NALF2: variants seen among roughly 807,000 people sequenced by gnomAD.
NALF2 encodes bB57D9.1 (TED protein).
A neutral mutation model predicts 24.8 loss-of-function variants in NALF2; 1 was observed. The ratio of observed to expected loss-of-function variants is 0.04; its 90% CI spans 0.01 to 0.19. The LOEUF is 0.19. NALF2 is among the 10% of genes least tolerant of loss of function. The probability of loss-of-function intolerance (pLI) is 1.00; values close to 1 mark genes in which losing one functional copy is unlikely to be tolerated. For missense variants in NALF2, 458 were observed against 409.6 expected, an observed-to-expected ratio of 1.12 and a Z score of -1.02; for synonymous variants, 254 against 189.8, an observed-to-expected ratio of 1.34 and a Z score of -2.78.
intron 1 of NALF2, among the ~76,000 whole-genome samples, chrX:69,520,888 A>G (rs754399065): frequency 9.0e-6 from 1 of 110,918 alleles, no homozygotes; most frequent in Non-Finnish European, 1.9e-5. Flanking sequence ...CGGGGCCCTC[A>G]CAACCTCTCA....
At position 69,505,979 on chromosome X, in the gene NALF2, G is replaced by C; in HGVS notation, c.697G>C (p.Ala233Pro). 3 of 1,211,604 alleles carry C rather than the reference G, an allele frequency of 2.5e-6. No individual in the cohort carries two copies. The highest frequency in any genetic ancestry group is 3.4e-6 in the Non-Finnish European group (3 of 895,362). The change falls in exon 1 of 3, where the codon GCC (alanine) becomes CCC (proline). Residue 233 changes from alanine to proline, a missense_variant. By Grantham distance (27) the Ala-to-Pro change is conservative. Transcript: ENST00000252338. ...GATGGGGGACCTGCTGGCCGTGGTG[G>C]CCAGCCCGGGCTCCGGGGCCTGGGA... The part of the protein sequence containing the change: ...TLMGDLLAVV[A>P]SPGSGAWEAC...
Position 69,505,669 on chromosome X carries a change from C to T in NALF2, c.387C>T (p.Gly129=), listed in dbSNP as rs1930459528. The change falls in exon 1 of 3, where the codon GGC becomes GGT. Residue 129 remains glycine (G), a synonymous_variant. Coordinates refer to ENST00000252338, the MANE Select transcript of NALF2 (RefSeq NM_015686.3). ...TGACCAAAGCCGCCCCCGCCGCCGG[C>T]TCTCGGCCGGTCTGCGGCGGCGTCC... is the stretch of plus-strand genomic sequence containing the variant. ...SNLTKAAPAA[G]SRPVCGGVPE... 8.3e-7 allele frequency: 1 copy of T among 1,207,160 alleles called. No homozygotes were observed. Among genetic ancestry groups the T allele is most frequent in the African/African-American group, 1.7e-5 (1 of 57,661 alleles).
In NALF2 at chrX:69,531,014, C is replaced by G. The variant is rs1930897319; in HGVS notation, c.*1058C>G. On this transcript the variant is annotated 3_prime_UTR_variant, in exon 3 of 3. Coordinates refer to ENST00000252338, the MANE Select transcript of NALF2 (RefSeq NM_015686.3). ...AGGCCTGGCCCAGGTCCTTATACTC[C>G]CCTATCTTGTCCTAGCCCAGGCCTC... 8.9e-6 allele frequency: 1 copy of G among 112,731 alleles called. No individual in the cohort carries two copies. The highest frequency in any genetic ancestry group is 1.9e-5 in the Non-Finnish European group (1 of 53,181). 9.3% of individuals were successfully genotyped at this position (112,731 alleles called of 1,213,427 possible).
chrX:69,511,153 C>T (rs749610188), intron 1 of NALF2, among the ~76,000 whole-genome samples: 1 of 109,774 alleles, frequency 9.1e-6, no homozygotes, highest in Non-Finnish European at 1.9e-5. Flanking sequence ...TCTCCACCCC[C>T]TTCCACCTCA....
intron 1 of NALF2, among the ~76,000 whole-genome samples, chrX:69,512,801 CT>C (rs771249122): frequency 1.8e-5 from 2 of 111,259 alleles, no homozygotes; most frequent in Non-Finnish European, 3.8e-5. Flanking sequence ...GAAGAAAATG[CT>C]AATAATCTCC....
chrX:69,505,929 G>A lies in NALF2; in HGVS notation c.647G>A (p.Ser216Asn). 3 of 1,211,959 alleles carry A rather than the reference G, an allele frequency of 2.5e-6. No individual in the cohort carries two copies. The highest frequency in any genetic ancestry group is 3.4e-6 in the Non-Finnish European group (3 of 895,520). ...DLLLGMDRPD[S>N]LDCSLDTLMG... ...CTGCTGGGCATGGACCGCCCCGACAGCCTGGACTGTAGCCTGGACACCCTG... is the reference window on the plus strand; with the variant it reads ...CTGCTGGGCATGGACCGCCCCGACAACCTGGACTGTAGCCTGGACACCCTG... Residue 216 changes from serine to asparagine, a missense_variant, in exon 1 of 3, where the codon AGC becomes AAC. Transcript: ENST00000252338.
At chrX:69,523,895 T>C (rs1930768290) in intron 1 of NALF2, among the ~76,000 whole-genome samples, 1 of 111,543 alleles carries the variant, frequency 9.0e-6, no homozygotes, top group South Asian at 3.8e-4. Context: ...CTGTTGCTGG[T>C]AGGATTGTTC....
intron 1 of NALF2, among the ~76,000 whole-genome samples, chrX:69,527,620 A>G (rs1380127946): frequency 8.9e-6 from 1 of 111,931 alleles, no homozygotes; most frequent in African/African-American, 3.3e-5. Flanking sequence ...GCATATTTTA[A>G]CAAATGCTTC....
Position 69,505,181 on chromosome X carries a change from G to C in NALF2, c.-102G>C. ...CCATGCAGCCCCCGAGGTAGAGCCT[G>C]GACGGCGCCGAGGAGCGCAGAGCGG... On this transcript the variant is annotated 5_prime_UTR_variant, in exon 1 of 3. Transcript: ENST00000252338. 1 of 862,960 alleles carries C rather than the reference G, an allele frequency of 1.2e-6. No individual in the cohort carries two copies. Among genetic ancestry groups the C allele is most frequent in the South Asian group, 2.9e-5 (1 of 34,439 alleles). 71.1% of individuals were successfully genotyped at this position (862,960 alleles called of 1,213,427 possible). A position where few individuals can be genotyped will look rare whatever the true frequency, so the allele number is the denominator to read the frequency against.
In NALF2 at chrX:69,530,021, G is replaced by T; in HGVS notation, c.*65G>T. On this transcript the variant is annotated 3_prime_UTR_variant, in exon 3 of 3. Coordinates refer to ENST00000252338, the MANE Select transcript of NALF2 (RefSeq NM_015686.3). ...AGCTCCAGCTCCCCCAGGTTGGGGG[G>T]GAGGGGGCTCCTCCCATGGGAGGTG... 1.1e-6 allele frequency: 1 copy of T among 909,744 alleles called. No homozygotes were observed. Among genetic ancestry groups the T allele is most frequent in the Non-Finnish European group, 1.5e-6 (1 of 665,639 alleles). The allele number at this position is 909,744 out of a possible 1,213,427, so 75.0% of individuals were successfully genotyped here. A position where few individuals can be genotyped will look rare whatever the true frequency, so the allele number is the denominator to read the frequency against.
intron 1 of NALF2, among the ~76,000 whole-genome samples, chrX:69,512,346 G>T: frequency 3.6e-5 from 4 of 111,945 alleles, no homozygotes; most frequent in Non-Finnish European, 5.6e-5. Flanking sequence ...TAGCCAGATA[G>T]GTGCTTAGAG....
rs758302010 is a variant in NALF2 at position 69,505,880 on chromosome X, G to A, written c.598G>A (p.Asp200Asn). ...HFRNFTLSFC[D>N]TYTVWDLLLG... ...TCGGAACTTCACTCTCTCCTTTTGC[G>A]ACACCTACACGGTCTGGGACTTGCT... The change falls in exon 1 of 3, where the codon GAC becomes AAC. Residue 200 changes from aspartate to asparagine, a missense_variant. Asp to Asn is a conservative substitution (Grantham distance 23). Coordinates refer to ENST00000252338, the MANE Select transcript of NALF2 (RefSeq NM_015686.3). 6.6e-6 allele frequency: 8 copies of A among 1,210,978 alleles called. No individual in the cohort carries two copies. Among genetic ancestry groups the A allele is most frequent in the Non-Finnish European group, 8.9e-6 (8 of 895,322 alleles).
intron 1 of NALF2, among the ~76,000 whole-genome samples, chrX:69,508,094 T>C (rs977959990): frequency 2.7e-5 from 3 of 112,140 alleles, no homozygotes; most frequent in Non-Finnish European, 5.6e-5. Context: ...TTCTGTAAGC[T>C]TTCATTTCCT....
chrX:69,521,563 T>C (rs1930735154), intron 1 of NALF2, among the ~76,000 whole-genome samples: 1 of 112,246 alleles, frequency 8.9e-6, no homozygotes, highest in Non-Finnish European at 1.9e-5. Context: ...CTCAGAACAC[T>C]TACATTAGCC....
Position 69,529,899 on chromosome X carries a change from G to A in NALF2, c.1362G>A (p.Gly454=), listed in dbSNP as rs1435690015. 2.5e-6 allele frequency: 3 copies of A among 1,211,190 alleles called. No individual in the cohort carries two copies. The highest frequency in any genetic ancestry group is 3.4e-6 in the Non-Finnish European group (3 of 895,316). The change falls in exon 3 of 3, where the codon GGG becomes GGA. Residue 454 remains glycine, a synonymous_variant. Transcript: ENST00000252338. ...VVSFSSNQGG[G]GLGLETLPAL... The stretch of plus-strand genomic sequence containing the variant: ...CCTTCTCCAGCAACCAGGGTGGTGG[G>A]GGATTGGGGCTGGAGACACTGCCTG...
Position 69,529,658 on chromosome X carries a change from A to AG in NALF2, c.1123dup (p.Glu375GlyfsTer3). On this transcript the variant is annotated frameshift_variant, in exon 3 of 3. Transcript: ENST00000252338. LOFTEE classifies it high-confidence loss of function. ...TGTGAGGCGAAGAAGAAGAAGTTCA[A>AG]GGAGTCTGAGGCCCCCAAAACCCAC... 8.3e-7 allele frequency: 1 copy of AG among 1,210,452 alleles called. No individual in the cohort carries two copies. The highest frequency in any genetic ancestry group is 1.1e-6 in the Non-Finnish European group (1 of 894,884).
At chrX:69,527,982 G>T (rs12014775) in intron 1 of NALF2, among the ~76,000 whole-genome samples, 62 of 107,089 alleles carry the variant, frequency 5.8e-4, no homozygotes, top group African/African-American at 1.6e-3. Flanking sequence ...ATTTTTTTTG[G>T]TTTTTTTTTG....
rs991589553 is a variant in NALF2, at chrX:69,530,290, G to T, written c.*334G>T. On this transcript the variant is annotated 3_prime_UTR_variant, in exon 3 of 3. Coordinates refer to ENST00000252338, the MANE Select transcript of NALF2 (RefSeq NM_015686.3). ...TGCCAAAAGCCCTGACCCCAGGGAAGGAGGCTGCTCACCCAGCCTTGGCCC... is the reference window on the plus strand; with the variant it reads ...TGCCAAAAGCCCTGACCCCAGGGAATGAGGCTGCTCACCCAGCCTTGGCCC... 17 of 220,976 alleles carry T rather than the reference G, an allele frequency of 7.7e-5. No homozygotes were observed. The highest frequency in any genetic ancestry group is 6.5e-4 in the Admixed American group (10 of 15,336). The allele number at this position is 220,976 out of a possible 1,213,427, so 18.2% of individuals were successfully genotyped here.
At position 69,505,159 on chromosome X, in the gene NALF2, TGCA is replaced by T; in HGVS notation, c.-121_-119del. ...TCGCGCCGGCCGGCCTGCCTCACCATGCAGCCCCCGAGGTAGAGCCTGGACGGC... is the reference window on the plus strand; with the variant it reads ...TCGCGCCGGCCGGCCTGCCTCACCATGCCCCCGAGGTAGAGCCTGGACGGC... On this transcript the variant is annotated 5_prime_UTR_variant, in exon 1 of 3. Transcript: ENST00000252338. 3.0e-6 allele frequency: 2 copies of T among 664,731 alleles called. No homozygotes were observed. Among genetic ancestry groups the T allele is most frequent in the South Asian group, 4.2e-5 (1 of 23,687 alleles). 54.8% of individuals were successfully genotyped at this position (664,731 alleles called of 1,213,427 possible).
Sources: allele counts gnomAD v4.1 joint callset (sites outside exome capture counted in the v4.1 genomes callset), GRCh38; gene constraint gnomAD v4.1.1; transcripts MANE v1.5; gene names NCBI Gene and HGNC (gene_info 2026-07-23, HGNC 2026-07-21).